Variants in GAB2 observed in about 807,000 individuals in gnomAD.
GAB2 encodes the protein GRB2 associated binding protein 2.
A neutral mutation model predicts 65.5 loss-of-function variants in GAB2; 26 were observed. The observed-to-expected ratio is 0.40, with a 90% CI of 0.29 to 0.55. The LOEUF (loss-of-function observed/expected upper bound fraction) is 0.55. Among genes scored for constraint, GAB2 ranks in the 20% least tolerant of loss-of-function variants. The pLI is 0.53. For synonymous variants in GAB2, 321 were observed against 329.6 expected (o/e 0.97, Z 0.28); for missense variants, 884 against 875.8 (o/e 1.01, Z -0.12).
chr11:78,243,340 C>T (rs1242556638), intron 3 of GAB2, among the ~76,000 whole-genome samples: 2 of 151,820 alleles, frequency 1.3e-5, no homozygotes, highest in East Asian at 1.9e-4. Context: ...TGGTGGTGGG[C>T]GCCTGTAGTC....
At chr11:78,400,685 T>C (rs1856957227) in intron 1 of GAB2, among the ~76,000 whole-genome samples, 5 of 151,966 alleles carry the variant, frequency 3.3e-5, no homozygotes, top group Admixed American at 2.0e-4. Flanking sequence ...GGTAGATCAC[T>C]TGAGGCCAGG....
chr11:78,390,319 G>C (rs1856818952), intron 1 of GAB2, among the ~76,000 whole-genome samples: 1 of 152,176 alleles, frequency 6.6e-6, no homozygotes, highest in Non-Finnish European at 1.5e-5. Context: ...GCCTTAAACA[G>C]TCTCATAAAA....
chr11:78,271,890 C>G (rs960036367), intron 2 of GAB2, among the ~76,000 whole-genome samples: 2 of 152,132 alleles, frequency 1.3e-5, no homozygotes, highest in African/African-American at 4.8e-5. Context: ...GTAATTGAAT[C>G]ATGGAGGCAG....
At chr11:78,377,809 TCTC>T (rs1306984777) in intron 1 of GAB2, among the ~76,000 whole-genome samples, 1 of 152,170 alleles carries the variant, frequency 6.6e-6, no homozygotes, top group African/African-American at 2.4e-5. Flanking sequence ...CTTCACTCTC[TCTC>T]CTACTTTCTT....
At chr11:78,408,931 C>A (rs1385374499) in intron 1 of GAB2, among the ~76,000 whole-genome samples, 1 of 152,216 alleles carries the variant, frequency 6.6e-6, no homozygotes, top group Non-Finnish European at 1.5e-5. Context: ...GCCAATTAAA[C>A]CTCTTTTCTT....
chr11:78,267,102 T>C (rs1403374036), intron 2 of GAB2, among the ~76,000 whole-genome samples: 2 of 152,096 alleles, frequency 1.3e-5, no homozygotes, highest in African/African-American at 4.8e-5. Flanking sequence ...AGTGGCTACA[T>C]AAAAGCAGGA....
Position 78,292,478 on chromosome 11 carries a change from A to G in GAB2, c.76-11577T>C, listed in dbSNP as rs530838083. Among the ~76,000 whole-genome samples the G allele has an allele frequency of 7.2e-5, 11 of 152,334 alleles. No homozygotes were observed. The South Asian group carries it at 1.9e-3, about 26-fold the overall frequency. On this transcript the variant is annotated intron_variant, in intron 1 of 9. Coordinates refer to ENST00000361507, the MANE Select transcript of GAB2 (RefSeq NM_080491.3). ...TTCTGGAGGTTTAGAAATATTTTCAACTGTCAACTCTCAGGTGGTGATGTG... is the reference window on the plus strand; with the variant it reads ...TTCTGGAGGTTTAGAAATATTTTCAGCTGTCAACTCTCAGGTGGTGATGTG...
intron 1 of GAB2, among the ~76,000 whole-genome samples, chr11:78,374,233 C>CTG (rs943268011): frequency 1.3e-5 from 2 of 152,188 alleles, no homozygotes; most frequent in African/African-American, 4.8e-5. Flanking sequence ...CAGTTGACTA[C>CTG]TGTGTGTGTC....
chr11:78,309,949 T>C (rs1174989787), intron 1 of GAB2, among the ~76,000 whole-genome samples: 1 of 139,080 alleles, frequency 7.2e-6, no homozygotes, highest in Non-Finnish European at 1.5e-5. Context: ...TGTGTGTGTG[T>C]GTGTGTGTGT....
intron 1 of GAB2, among the ~76,000 whole-genome samples, chr11:78,317,169 G>A (rs1050985234): frequency 6.6e-6 from 1 of 152,212 alleles, no homozygotes; most frequent in East Asian, 1.9e-4. Context: ...AATGGGTATA[G>A]TTTCAGTTTG....
chr11:78,270,357 C>T (rs1218445047), intron 2 of GAB2, among the ~76,000 whole-genome samples: 2 of 151,086 alleles, frequency 1.3e-5, no homozygotes, highest in African/African-American at 2.4e-5. Flanking sequence ...AAAGAATAGT[C>T]AGTTCTCAGT....
At chr11:78,269,321 G>T (rs1865951133) in intron 2 of GAB2, among the ~76,000 whole-genome samples, 1 of 152,164 alleles carries the variant, frequency 6.6e-6, no homozygotes, top group South Asian at 2.1e-4. Context: ...AAACCCAAAA[G>T]GTCAGGGAGG....
intron 8 of GAB2, 27 bp downstream of exon 8, chr11:78,221,650 C>CA: frequency 6.8e-7 from 1 of 1,464,116 alleles, no homozygotes; most frequent in Non-Finnish European, 9.5e-7. Flanking sequence ...TGAAAGGCGT[C>CA]ATTCCAGCGA....
At position 78,262,894 on chromosome 11, in the gene GAB2, G is replaced by C. The variant is rs7109498; in HGVS notation, c.377-12494C>G. Among the ~76,000 whole-genome samples the C allele has an allele frequency of 8.7e-3, 1,318 of 152,226 alleles. 20 individuals carry two copies. The highest frequency in any genetic ancestry group is 0.03 in the African/African-American group (1,253 of 41,522). On this transcript the variant is annotated intron_variant, in intron 2 of 9. Coordinates refer to ENST00000361507, the MANE Select transcript of GAB2 (RefSeq NM_080491.3). ...AAACTACAGCCCATACATTACATCT[G>C]GTCTGTTTCTGTGGTTTCACTAGAA...
chr11:78,396,492 G>C (rs976607027), intron 1 of GAB2, among the ~76,000 whole-genome samples: 5 of 152,176 alleles, frequency 3.3e-5, no homozygotes, highest in African/African-American at 1.2e-4. Context: ...TAATTCAACA[G>C]CAAGAACCAG....
intron 8 of GAB2, 133 bp from the exon 9 acceptor site, chr11:78,220,577 T>C (rs1333820750): frequency 1.2e-5 from 8 of 642,026 alleles, no homozygotes; most frequent in Admixed American, 6.9e-5. Context: ...CTAAGGACTT[T>C]TCATGTTTTC....
chr11:78,274,326 GGA>G (rs2134572338), intron 2 of GAB2, among the ~76,000 whole-genome samples: 1 of 152,238 alleles, frequency 6.6e-6, no homozygotes, highest in East Asian at 1.9e-4. Context: ...AGGAAAAGAG[GGA>G]GTATCTGCTT....
chr11:78,391,905 G>C (rs1268323842), intron 1 of GAB2, among the ~76,000 whole-genome samples: 1 of 152,148 alleles, frequency 6.6e-6, no homozygotes, highest in Non-Finnish European at 1.5e-5. Context: ...AAAGAAACTG[G>C]AACAAAGATG....
intron 1 of GAB2, among the ~76,000 whole-genome samples, chr11:78,367,846 AC>A: frequency 8.5e-6 from 1 of 116,974 alleles, no homozygotes; most frequent in South Asian, 2.6e-4. Flanking sequence ...TTTTTTTGAG[AC>A]GGAGTCTTGC....
Sources: gnomAD v4.1 joint callset for allele counts (sites outside exome capture counted in the v4.1 genomes callset) on GRCh38, gnomAD v4.1.1 for gene constraint, MANE v1.5 for transcripts, NCBI Gene and HGNC (gene_info 2026-07-23, HGNC 2026-07-21) for gene names.